Variants in HYDIN observed in about 807,000 individuals in gnomAD.
HYDIN encodes HYDIN axonemal central pair apparatus protein.
Under a neutral mutation model 403.9 loss-of-function variants are expected in HYDIN, and 132 were observed. The ratio of observed to expected loss-of-function variants is 0.33; its 90% CI spans 0.28 to 0.38. The LOEUF is 0.38. Ranked by LOEUF, HYDIN falls within the 10% of genes least tolerant of loss-of-function variation. HYDIN has a pLI of 1.00. For missense variants in HYDIN, 2,827 were observed against 5,009.5 expected (o/e 0.56, Z 13.15); for synonymous variants, 1,202 against 1,891.7 (o/e 0.64, Z 9.46).
chr16:70,902,845 C>G (rs2076432756), intron 52 of HYDIN, among the ~76,000 whole-genome samples: 1 of 108,328 alleles, frequency 9.2e-6, no homozygotes, highest in Admixed American at 1.2e-4. Context: ...TTTTGTCCCA[C>G]TCTCTCTCTT....
intron 18 of HYDIN, among the ~76,000 whole-genome samples, chr16:71,056,601 C>T (rs1285742937): frequency 7.2e-5 from 11 of 152,126 alleles, no homozygotes; most frequent in Non-Finnish European, 1.3e-4. Context: ...GCACATGAGG[C>T]TGAGTGTGAC....
intron 44 of HYDIN, among the ~76,000 whole-genome samples, chr16:70,937,506 T>C (rs951429266): frequency 5.0e-4 from 75 of 150,700 alleles, no homozygotes; most frequent in African/African-American, 1.7e-3. Context: ...TACAAAAAAA[T>C]TGGCCGGGCA....
chr16:71,034,128 C>T (rs887067655), intron 18 of HYDIN, among the ~76,000 whole-genome samples: 11 of 151,956 alleles, frequency 7.2e-5, no homozygotes, highest in Admixed American at 1.3e-4. Context: ...TCCAAAGTAA[C>T]GCATACAGTA....
intron 30 of HYDIN, among the ~76,000 whole-genome samples, chr16:70,978,167 G>A (rs1361415433): frequency 6.7e-6 from 1 of 150,196 alleles, no homozygotes; most frequent in African/African-American, 2.5e-5. Context: ...CTCCTGAGTT[G>A]CCTGTCTCAG....
intron 43 of HYDIN, among the ~76,000 whole-genome samples, chr16:70,939,474 G>A (rs1367742817): frequency 6.6e-6 from 1 of 152,092 alleles, no homozygotes; most frequent in Non-Finnish European, 1.5e-5. Context: ...CATTTGAAAT[G>A]TCCTAAGGTA....
intron 1 of HYDIN, among the ~76,000 whole-genome samples, chr16:71,229,271 G>A (rs969061463): frequency 4.6e-5 from 7 of 152,006 alleles, no homozygotes; most frequent in South Asian, 2.1e-4. Context: ...AAACCTGCAC[G>A]TTGTGCACAT....
chr16:70,920,782 C>A lies in HYDIN; in HGVS notation c.7594G>T (p.Glu2532Ter). 1.3e-6 allele frequency: 2 copies of A among 1,559,476 alleles called. No individual in the cohort carries two copies. Among genetic ancestry groups the A allele is most frequent in the Non-Finnish European group, 1.7e-6 (2 of 1,151,020 alleles). ...CGCAGCTTCTCCAGGCGCTCCCGCTCCGCCTTCTCCCTCTCCAGGCGCTCC... is the reference window on the plus strand; with the variant it reads ...CGCAGCTTCTCCAGGCGCTCCCGCTACGCCTTCTCCCTCTCCAGGCGCTCC... ...EKERLEREKA[E>*]RERLEKLRAL... Residue 2532 changes from glutamate (E) to a stop codon, truncating the protein, a stop_gained, in exon 46 of 86, where the codon GAG becomes TAG. Transcript: ENST00000393567. LOFTEE classifies it high-confidence loss of function.
chr16:71,017,155 C>A (rs1386285582), intron 23 of HYDIN, among the ~76,000 whole-genome samples: 1 of 149,018 alleles, frequency 6.7e-6, no homozygotes, highest in Admixed American at 6.7e-5. Flanking sequence ...GCCTGGCCAA[C>A]ATGGTGAAAC....
At position 71,066,752 on chromosome 16, in the gene HYDIN, G is replaced by A. The variant is rs909960606; in HGVS notation, c.2075+538C>T. 1.8e-5 allele frequency: 7 copies of A among 382,954 alleles called. No individual in the cohort carries two copies. In the Admixed American group the frequency reaches 2.4e-4, roughly 13 times the overall value. The allele number at this position is 382,954 out of a possible 1,614,324, so 23.7% of individuals were successfully genotyped here. On this transcript the variant is annotated intron_variant, in intron 15 of 85. Coordinates refer to ENST00000393567, the MANE Select transcript of HYDIN (RefSeq NM_001270974.2). ...CCCAGCTGCCTCTCTCAAAAAGAGA[G>A]AGGAGTTGGAGATGGTTCTGAGGAG... is the stretch of plus-strand genomic sequence containing the variant.
intron 12 of HYDIN, among the ~76,000 whole-genome samples, chr16:71,086,202 T>C (rs1055334012): frequency 1.1e-4 from 17 of 152,134 alleles, no homozygotes; most frequent in Non-Finnish European, 2.9e-5. Context: ...CAATCCTGAA[T>C]TTGGGTAAAT....
At chr16:71,178,877 C>A (rs1833908224) in intron 4 of HYDIN, 51 bp downstream of exon 4, 1 of 1,490,350 alleles carries the variant, frequency 6.7e-7, no homozygotes, top group Non-Finnish European at 9.1e-7. Flanking sequence ...TTACTTTAAC[C>A]CATTCTCATA....
At chr16:71,061,786 C>T (rs1030779042) in intron 17 of HYDIN, among the ~76,000 whole-genome samples, 3 of 151,078 alleles carry the variant, frequency 2.0e-5, no homozygotes, top group Admixed American at 6.6e-5. Flanking sequence ...TGCTGGCTCC[C>T]GTACAGATGT....
Position 71,042,113 on chromosome 16 carries a change from A to T in HYDIN, c.2530-10196T>A, listed in dbSNP as rs949573419. ...AATATTTGCATACGTTGTTTCTTACATAAATGGTGCAATACTCTACAGACT... is the reference window on the plus strand; with the variant it reads ...AATATTTGCATACGTTGTTTCTTACTTAAATGGTGCAATACTCTACAGACT... On this transcript the variant is annotated intron_variant, in intron 18 of 85. Transcript: ENST00000393567. Among the ~76,000 whole-genome samples the T allele has an allele frequency of 3.5e-4, 53 of 151,234 alleles. 1 individual carries two copies. The highest frequency in any genetic ancestry group is 1.3e-3 in the Admixed American group (19 of 15,166).
intron 65 of HYDIN, among the ~76,000 whole-genome samples, chr16:70,870,483 T>C (rs2040027831): frequency 6.6e-6 from 1 of 151,072 alleles, no homozygotes; most frequent in African/African-American, 2.4e-5. Context: ...GCCACTCTGG[T>C]CATGGCTAAA....
intron 17 of HYDIN, 63 bp downstream of exon 17, chr16:71,062,106 A>G: frequency 4.6e-6 from 5 of 1,095,988 alleles, no homozygotes; most frequent in Non-Finnish European, 5.4e-6. Context: ...CAAATGAGAA[A>G]GCTCAAAATG....
intron 9 of HYDIN, among the ~76,000 whole-genome samples, chr16:71,120,759 A>T (rs2084226575): frequency 6.6e-6 from 1 of 152,066 alleles, no homozygotes. Flanking sequence ...CTCCCAAAAA[A>T]AAAACCAAAG....
At chr16:71,028,431 C>T (rs1394586963) in intron 19 of HYDIN, among the ~76,000 whole-genome samples, 2 of 151,990 alleles carry the variant, frequency 1.3e-5, no homozygotes, top group African/African-American at 4.8e-5. Context: ...TTCATGTATT[C>T]ATTTGTTCAT....
intron 1 of HYDIN, among the ~76,000 whole-genome samples, chr16:71,195,435 A>G (rs1387166012): frequency 2.0e-5 from 3 of 152,178 alleles, no homozygotes; most frequent in Non-Finnish European, 4.4e-5. Context: ...TTTTACCCCC[A>G]AACACCATTT....
intron 46 of HYDIN, among the ~76,000 whole-genome samples, chr16:70,919,677 G>A (rs534334604): frequency 2.0e-5 from 3 of 152,126 alleles, no homozygotes; most frequent in East Asian, 1.9e-4. Flanking sequence ...GTGAAACCCT[G>A]TCTCTACTAA....
Sources: allele counts gnomAD v4.1 joint callset (sites outside exome capture counted in the v4.1 genomes callset), GRCh38; gene constraint gnomAD v4.1.1; transcripts MANE v1.5; gene names NCBI Gene and HGNC (gene_info 2026-07-23, HGNC 2026-07-21).